The following RBFOX1 variants were observed in gnomAD, a reference collection of about 807,000 sequenced individuals.
The protein encoded by RBFOX1 is RNA binding protein fox-1 homolog 1.
A neutral mutation model predicts 57.7 loss-of-function variants in RBFOX1; 8 were observed. The ratio of observed to expected loss-of-function variants is 0.14; its 90% CI spans 0.08 to 0.25. The LOEUF (loss-of-function observed/expected upper bound fraction) is 0.25, where lower values mean the gene tolerates loss of function less well. Among genes scored for constraint, RBFOX1 ranks in the 10% least tolerant of loss-of-function variants. The probability of loss-of-function intolerance (pLI) is 1.00; values close to 1 mark genes in which losing one functional copy is unlikely to be tolerated. For synonymous variants in RBFOX1, 326 were observed against 222.4 expected (o/e 1.47, Z -4.15); for missense variants, 611 against 548.5 (o/e 1.11, Z -1.14).
chr16:7,273,355 G>A (rs1187897842), intron 4 of RBFOX1, among the ~76,000 whole-genome samples: 3 of 151,826 alleles, frequency 2.0e-5, no homozygotes, highest in East Asian at 1.9e-4. Flanking sequence ...CTTGTTTCCT[G>A]CATGCTGACC....
intron 3 of RBFOX1, among the ~76,000 whole-genome samples, chr16:5,836,976 G>T (rs1402400940): frequency 2.0e-5 from 3 of 152,182 alleles, no homozygotes; most frequent in Non-Finnish European, 4.4e-5. Context: ...GTTCCTAAGG[G>T]AAACTGGGTC....
intron 2 of RBFOX1, among the ~76,000 whole-genome samples, chr16:6,487,686 AAAAAAAAAAAAAAAATATATATAT>A (rs2095521396): frequency 6.0e-4 from 13 of 21,796 alleles, no homozygotes; most frequent in Non-Finnish European, 1.2e-3. Flanking sequence ...AAAAAAAAAA[AAAAAAAAAAAAAAAATATATATAT>A]ATATATATAT....
intron 3 of RBFOX1, among the ~76,000 whole-genome samples, chr16:6,801,658 C>G (rs539180579): frequency 6.6e-6 from 1 of 151,774 alleles, no homozygotes; most frequent in Non-Finnish European, 1.5e-5. Context: ...TGTTTCTGGA[C>G]CAAACTGAGG....
At chr16:5,735,887 A>G (rs2052552247) in intron 3 of RBFOX1, among the ~76,000 whole-genome samples, 2 of 151,986 alleles carry the variant, frequency 1.3e-5, no homozygotes, top group African/African-American at 4.8e-5. Flanking sequence ...AAAAACAAAT[A>G]AAACAACAAC....
intron 2 of RBFOX1, among the ~76,000 whole-genome samples, chr16:5,512,414 CTCTT>C (rs2043627337): frequency 8.9e-6 from 1 of 111,740 alleles, no homozygotes; most frequent in African/African-American, 5.7e-5. Context: ...CTACTCCTCT[CTCTT>C]TCTCTCTCTC....
intron 2 of RBFOX1, among the ~76,000 whole-genome samples, chr16:5,477,312 A>G (rs60160029): frequency 2.6e-4 from 40 of 152,290 alleles, no homozygotes; most frequent in East Asian, 1.5e-3. Context: ...GTTGCACTCA[A>G]TGCGCTGCTA....
At chr16:6,306,991 C>G (rs1434642264) in intron 1 of RBFOX1, among the ~76,000 whole-genome samples, 1 of 151,736 alleles carries the variant, frequency 6.6e-6, no homozygotes, top group South Asian at 2.1e-4. Context: ...AAGGCACCAC[C>G]CAAAAAGTCA....
chr16:7,521,598 G>A (rs114268141), intron 5 of RBFOX1, among the ~76,000 whole-genome samples: 2 of 152,218 alleles, frequency 1.3e-5, no homozygotes, highest in African/African-American at 4.8e-5. Context: ...CTGATGTGCA[G>A]ACAAGCTCTC....
In RBFOX1 at chr16:7,507,561, C is replaced by CTTTTTTTTTTT. The variant is rs200393762; in HGVS notation, c.28-10583_28-10582insTTTTTTTTTTT. 1.4e-4 allele frequency among the ~76,000 whole-genome samples: 17 copies of CTTTTTTTTTTT among 122,934 alleles called. 1 individual carries two copies. Among genetic ancestry groups the CTTTTTTTTTTT allele is most frequent in the African/African-American group, 4.9e-4 (17 of 34,612 alleles). 80.6% of individuals were successfully genotyped at this position (122,934 alleles called of 152,430 possible). Reference sequence around the variant, plus strand: ...TTGGAACGTGATTTTTTTTTTCTTTCTTTCTTTTTTTTTTTTTTTTGAGAC... The same window carrying CTTTTTTTTTTT: ...TTGGAACGTGATTTTTTTTTTCTTTCTTTTTTTTTTTTTTCTTTTTTTTTTTTTTTTGAGAC... On this transcript the variant is annotated intron_variant, in intron 4 of 15. Coordinates refer to ENST00000550418, the MANE Select transcript of RBFOX1 (RefSeq NM_018723.4).
At chr16:5,944,780 C>A (rs533298465) in intron 4 of RBFOX1, among the ~76,000 whole-genome samples, 2 of 35,618 alleles carry the variant, frequency 5.6e-5, no homozygotes, top group Admixed American at 3.4e-4. Flanking sequence ...TGGTGAAACC[C>A]TGTCTCTGCT....
chr16:6,496,900 T>C (rs1280688503), intron 2 of RBFOX1, among the ~76,000 whole-genome samples: 1 of 151,986 alleles, frequency 6.6e-6, no homozygotes, highest in Non-Finnish European at 1.5e-5. Context: ...GTGGAGATTG[T>C]GGTGAGCCGA....
chr16:6,404,728 C>G (rs528111934), intron 2 of RBFOX1, among the ~76,000 whole-genome samples: 1 of 152,076 alleles, frequency 6.6e-6, no homozygotes, highest in Admixed American at 6.6e-5. Flanking sequence ...CAGATTCTTT[C>G]CTGAGCTGAA....
intron 4 of RBFOX1, among the ~76,000 whole-genome samples, chr16:7,436,388 T>A (rs1329719065): frequency 6.6e-6 from 1 of 152,196 alleles, no homozygotes; most frequent in Non-Finnish European, 1.5e-5. Flanking sequence ...TCATATATTT[T>A]GTAATAACTG....
At chr16:5,482,671 G>C (rs970495902) in intron 2 of RBFOX1, among the ~76,000 whole-genome samples, 3 of 152,166 alleles carry the variant, frequency 2.0e-5, no homozygotes, top group African/African-American at 7.2e-5. Flanking sequence ...CCTGCTAGGG[G>C]CATGAGGCAG....
At chr16:5,482,919 C>T (rs1035662380) in intron 2 of RBFOX1, among the ~76,000 whole-genome samples, 3 of 152,172 alleles carry the variant, frequency 2.0e-5, no homozygotes, top group Non-Finnish European at 4.4e-5. Flanking sequence ...AATCCTTATT[C>T]TTTAGAGACT....
intron 3 of RBFOX1, among the ~76,000 whole-genome samples, chr16:6,889,622 C>T (rs552040575): frequency 2.6e-5 from 4 of 152,132 alleles, no homozygotes; most frequent in Non-Finnish European, 4.4e-5. Flanking sequence ...GGGAAGAGTG[C>T]CAATCCATAT....
intron 1 of RBFOX1, among the ~76,000 whole-genome samples, chr16:6,115,834 C>T (rs1268937475): frequency 6.6e-6 from 1 of 152,154 alleles, no homozygotes; most frequent in African/African-American, 2.4e-5. Context: ...CCTCTGCTCT[C>T]CTGAGCTGTG....
chr16:6,739,871 T>C (rs141407916), intron 3 of RBFOX1, among the ~76,000 whole-genome samples: 1,739 of 152,274 alleles, frequency 0.011, 16 homozygotes, highest in Non-Finnish European at 0.019. Context: ...AGCAAGACTC[T>C]GTCTTAAGAA....
intron 4 of RBFOX1, among the ~76,000 whole-genome samples, chr16:7,431,472 C>T (rs1307505507): frequency 6.6e-6 from 1 of 152,090 alleles, no homozygotes; most frequent in Admixed American, 6.6e-5. Flanking sequence ...AGCTCCTGAA[C>T]TCAAGTGATC....
Sources: allele counts gnomAD v4.1 joint callset (sites outside exome capture counted in the v4.1 genomes callset), GRCh38; gene constraint gnomAD v4.1.1; transcripts MANE v1.5; gene names NCBI Gene and HGNC (gene_info 2026-07-23, HGNC 2026-07-21).